Variants in CCND3 observed in about 807,000 individuals in gnomAD.
The protein encoded by CCND3 is G1/S-specific cyclin-D3.
A neutral mutation model predicts 28.7 loss-of-function variants in CCND3; 9 were observed. The ratio of observed to expected loss-of-function variants is 0.31; its 90% CI spans 0.19 to 0.55. The LOEUF (loss-of-function observed/expected upper bound fraction) is 0.55. Ranked by LOEUF, CCND3 falls within the 20% of genes least tolerant of loss-of-function variation. The probability of loss-of-function intolerance (pLI) is 0.93; values close to 1 mark genes in which losing one functional copy is unlikely to be tolerated. For synonymous variants in CCND3, 164 were observed against 163.9 expected (o/e 1.00, Z 0.00); for missense variants, 315 against 385.8 (o/e 0.82, Z 1.54).
chr6:42,011,501 C>T (rs1344429360), intron 1 of CCND3, among the ~76,000 whole-genome samples: 2 of 151,954 alleles, frequency 1.3e-5, no homozygotes, highest in Non-Finnish European at 2.9e-5. Context: ...GAGTGGGGTC[C>T]GGGATTATGT....
chr6:42,049,336 C>T (rs953883687), upstream of CCND3, among the ~76,000 whole-genome samples: 2 of 152,170 alleles, frequency 1.3e-5, no homozygotes, highest in Non-Finnish European at 2.9e-5. Flanking sequence ...CGCGCCCGGC[C>T]GATTTCTTGA....
intron 1 of CCND3, among the ~76,000 whole-genome samples, chr6:41,974,308 C>T (rs988387874): frequency 2.0e-5 from 3 of 152,194 alleles, no homozygotes; most frequent in African/African-American, 7.2e-5. Flanking sequence ...ACATCCAAGT[C>T]ACTTAGAGTG....
At position 41,941,673 on chromosome 6, in the gene CCND3, C is replaced by T. The variant is rs1210289297; in HGVS notation, c.-24G>A. 22 of 1,369,576 alleles carry T rather than the reference C, an allele frequency of 1.6e-5. 1 individual carries two copies. The Middle Eastern group carries it at 1.3e-3, about 82-fold the overall frequency. The allele number at this position is 1,369,576 out of a possible 1,614,324, so 84.8% of individuals were successfully genotyped here. The stretch of plus-strand genomic sequence containing the variant: ...ATACTCGGGCAGCGAACAGGCAGGG[C>T]GGGAGTGCGGGCTCGCGAGTCCCAA... On this transcript the variant is annotated 5_prime_UTR_variant, in exon 1 of 5. Coordinates refer to ENST00000372991, the MANE Select transcript of CCND3 (RefSeq NM_001760.5). The surrounding 1 kb of genome is among the most constrained non-coding windows in gnomAD (Gnocchi z 6.1).
chr6:42,012,203 G>A (rs1763362744), intron 1 of CCND3, among the ~76,000 whole-genome samples: 1 of 152,084 alleles, frequency 6.6e-6, no homozygotes, highest in Non-Finnish European at 1.5e-5. Flanking sequence ...GCATAACATT[G>A]GAGACCAGGC....
At chr6:41,964,254 AGAG>A (rs1279586190) in intron 1 of CCND3, among the ~76,000 whole-genome samples, 1 of 152,026 alleles carries the variant, frequency 6.6e-6, no homozygotes, top group African/African-American at 2.4e-5. Context: ...AAGCTTCAGG[AGAG>A]GAGCACTTCC....
intron 1 of CCND3, among the ~76,000 whole-genome samples, chr6:42,036,474 A>G (rs1412033176): frequency 1.5e-5 from 2 of 133,326 alleles, no homozygotes; most frequent in South Asian, 2.4e-4. Flanking sequence ...CAGTGGCACA[A>G]TCACTACTCA....
Position 41,935,466 on chromosome 6 carries a change from G to T in CCND3, c.*474C>A. 3.8e-6 allele frequency: 1 copy of T among 261,966 alleles called. No individual in the cohort carries two copies. Among genetic ancestry groups the T allele is most frequent in the Non-Finnish European group, 7.3e-6 (1 of 136,784 alleles). 16.2% of individuals were successfully genotyped at this position (261,966 alleles called of 1,614,324 possible). Reference sequence around the variant, plus strand: ...CATAGGGGCCTCCAAAGTACTGAGAGGAGCCATCTAGACTATTCCCCCTCA... The same window carrying T: ...CATAGGGGCCTCCAAAGTACTGAGATGAGCCATCTAGACTATTCCCCCTCA... On this transcript the variant is annotated 3_prime_UTR_variant, in exon 5 of 5. Coordinates refer to ENST00000372991, the MANE Select transcript of CCND3 (RefSeq NM_001760.5).
intron 1 of CCND3, among the ~76,000 whole-genome samples, chr6:42,021,452 A>G (rs1213295993): frequency 2.0e-5 from 3 of 152,236 alleles, no homozygotes; most frequent in Non-Finnish European, 4.4e-5. Context: ...GGCACAGAGC[A>G]GTCATCCTTC....
At chr6:41,994,879 C>T (rs560125841) in intron 1 of CCND3, among the ~76,000 whole-genome samples, 1 of 152,028 alleles carries the variant, frequency 6.6e-6, no homozygotes, top group Non-Finnish European at 1.5e-5. Context: ...CCAGACCAGG[C>T]TGGCCAACAT....
At chr6:41,940,963 G>T in intron 1 of CCND3, 1 of 1,612,946 alleles carries the variant, frequency 6.2e-7, no homozygotes, top group Admixed American at 1.7e-5. Context: ...CGAGGGGAAG[G>T]GAGGAGGCTC....
rs553392386 is a variant in CCND3, at chr6:42,005,396, G to A, written c.-46+43105C>T. ...GCCTCTACTAAAAATACAAAAATTA[G>A]TTGGGCGTGGTGGTGCACGCCTGTA... On this transcript the variant is annotated intron_variant, in intron 1 of 4. Transcript: ENST00000372988. Among the ~76,000 whole-genome samples the A allele has an allele frequency of 3.3e-5, 5 of 152,040 alleles. No homozygotes were observed. In the South Asian group the frequency reaches 8.3e-4, roughly 25 times the overall value.
chr6:41,939,093 T>A lies in CCND3; in HGVS notation c.414+1277A>T, dbSNP rs79418073. Among the ~76,000 whole-genome samples the A allele has an allele frequency of 3.0e-3, 453 of 152,192 alleles. 6 individuals carry two copies. In the Middle Eastern group the frequency reaches 0.031, roughly 10 times the overall value. ...TTGCTCTCTGGCCCTGGAAACTAGC[T>A]CCACCTTCAGACTTGCCAAAAACTA... is the stretch of plus-strand genomic sequence containing the variant. On this transcript the variant is annotated intron_variant, in intron 2 of 4. Transcript: ENST00000372991. The surrounding 1 kb of genome is among the most constrained non-coding windows in gnomAD (Gnocchi z 4.2).
chr6:42,025,983 G>A (rs1445207949), intron 1 of CCND3, among the ~76,000 whole-genome samples: 2 of 152,192 alleles, frequency 1.3e-5, no homozygotes, highest in Non-Finnish European at 2.9e-5. Context: ...CTGCCTGTCA[G>A]CCTCTAGCCA....
At chr6:41,995,745 C>T (rs1371720735) in intron 1 of CCND3, among the ~76,000 whole-genome samples, 1 of 151,978 alleles carries the variant, frequency 6.6e-6, no homozygotes, top group Non-Finnish European at 1.5e-5. Context: ...TATTCTAAAA[C>T]ACACGAGAGA....
At chr6:41,973,952 G>C (rs2127409036) in intron 1 of CCND3, among the ~76,000 whole-genome samples, 2 of 152,360 alleles carry the variant, frequency 1.3e-5, no homozygotes, top group Admixed American at 1.3e-4. Flanking sequence ...GGAGGCTGAG[G>C]TGGGTGGATC....
chr6:41,951,203 C>T (rs1414653908), intron 1 of CCND3, among the ~76,000 whole-genome samples: 1 of 151,874 alleles, frequency 6.6e-6, no homozygotes, highest in Non-Finnish European at 1.5e-5. Flanking sequence ...TGGTTCTGAT[C>T]ACCTGAATTC....
chr6:42,042,383 G>A (rs1176518609), intron 1 of CCND3, among the ~76,000 whole-genome samples: 10 of 148,058 alleles, frequency 6.8e-5, no homozygotes, highest in African/African-American at 2.5e-4. Flanking sequence ...TTTTTGAGAC[G>A]GAGTTCCGTT....
At chr6:42,029,411 C>T (rs941297024) in intron 1 of CCND3, among the ~76,000 whole-genome samples, 2 of 152,056 alleles carry the variant, frequency 1.3e-5, no homozygotes, top group African/African-American at 4.8e-5. Context: ...GGACACCTGT[C>T]CAGTAGTTTG....
At chr6:41,973,010 C>T (rs1165706126) in intron 1 of CCND3, among the ~76,000 whole-genome samples, 1 of 152,054 alleles carries the variant, frequency 6.6e-6, no homozygotes, top group African/African-American at 2.4e-5. Context: ...GAACAGCTTT[C>T]CTCTCTGCCC....
Sources: gnomAD v4.1 joint callset for allele counts (sites outside exome capture counted in the v4.1 genomes callset) on GRCh38, gnomAD v4.1.1 for gene constraint, Gnocchi (gnomAD v3.1) non-coding constraint, MANE v1.5 for transcripts, NCBI Gene and HGNC (gene_info 2026-07-23, HGNC 2026-07-21) for gene names.